The following NKAIN3 variants were observed in gnomAD, a reference collection of about 807,000 sequenced individuals.
NKAIN3 encodes the protein sodium/potassium transporting ATPase interacting 3.
In NKAIN3, 25 loss-of-function variants were observed where a neutral mutation model predicts 30.2. The observed-to-expected ratio is 0.83, with a 90% CI of 0.60 to 1.16. NKAIN3 has a LOEUF of 1.16. Among genes scored for constraint, NKAIN3 ranks in the 50% most tolerant of loss-of-function variants. NKAIN3 has a pLI of 0.00. For synonymous variants in NKAIN3, 91 were observed against 89.6 expected (o/e 1.02, Z -0.09); for missense variants, 225 against 254.1 (o/e 0.89, Z 0.78).
rs562824064 is a variant in NKAIN3, at chr8:62,329,830, A to G, written c.54+80703A>G. On this transcript the variant is annotated intron_variant, in intron 1 of 6. Coordinates refer to ENST00000623646, the MANE Select transcript of NKAIN3 (RefSeq NM_001304533.3). Reference sequence around the variant, plus strand: ...GTGCCTGTGTCTTTATGAGAGAATGAATTATTTTCCTTTGAGTATATACCC... The same window carrying G: ...GTGCCTGTGTCTTTATGAGAGAATGGATTATTTTCCTTTGAGTATATACCC... Among the ~76,000 whole-genome samples, 87 of 152,134 alleles carry G rather than the reference A, an allele frequency of 5.7e-4. No individual in the cohort carries two copies. In the South Asian group the frequency reaches 5.8e-3, roughly 10 times the overall value.
At chr8:62,495,426 A>G (rs974637573) in intron 1 of NKAIN3, among the ~76,000 whole-genome samples, 2 of 151,892 alleles carry the variant, frequency 1.3e-5, no homozygotes, top group African/African-American at 2.4e-5. Flanking sequence ...GAATTACACA[A>G]TTTTGCACAC....
chr8:62,828,761 G>A (rs1371599177), intron 4 of NKAIN3, among the ~76,000 whole-genome samples: 1 of 152,080 alleles, frequency 6.6e-6, no homozygotes, highest in African/African-American at 2.4e-5. Context: ...ACTTACTCTT[G>A]GAACTCAGCC....
intron 3 of NKAIN3, among the ~76,000 whole-genome samples, chr8:62,702,201 C>T (rs1033155995): frequency 3.9e-5 from 6 of 152,166 alleles, no homozygotes; most frequent in Non-Finnish European, 8.8e-5. Context: ...AATTCTTCTA[C>T]AGTGGCATAT....
intron 1 of NKAIN3, among the ~76,000 whole-genome samples, chr8:62,419,868 G>A (rs1804575996): frequency 6.6e-6 from 1 of 152,108 alleles, no homozygotes; most frequent in African/African-American, 2.4e-5. Context: ...AGGCCATCTC[G>A]AGGTGCCCAT....
chr8:62,530,223 T>C (rs959898582), intron 1 of NKAIN3, among the ~76,000 whole-genome samples: 14 of 148,830 alleles, frequency 9.4e-5, no homozygotes, highest in Non-Finnish European at 1.5e-4. Context: ...ACCAGATTCA[T>C]TTTTTTTTTC....
Position 62,973,910 on chromosome 8 carries a change from A to T in NKAIN3, c.*8503A>T, listed in dbSNP as rs1348490446. ...CTAGCTAATTTTCCCAGCACCATTT[A>T]TTAAATAGGAAATCCTTTCCCCATT... On this transcript the variant is annotated 3_prime_UTR_variant, in exon 7 of 7. Transcript: ENST00000623646. Among the ~76,000 whole-genome samples the T allele has an allele frequency of 6.6e-6, 1 of 152,188 alleles. No individual in the cohort carries two copies. The highest frequency in any genetic ancestry group is 1.9e-4 in the East Asian group (1 of 5,194).
intron 3 of NKAIN3, among the ~76,000 whole-genome samples, chr8:62,592,349 A>C (rs556753954): frequency 1.3e-5 from 2 of 152,180 alleles, no homozygotes; most frequent in East Asian, 3.9e-4. Flanking sequence ...TAAAAAGATC[A>C]TTTTAATTTC....
intron 6 of NKAIN3, among the ~76,000 whole-genome samples, chr8:62,960,536 A>G (rs1823541995): frequency 6.6e-6 from 1 of 152,130 alleles, no homozygotes; most frequent in Non-Finnish European, 1.5e-5. Context: ...ACAACATAAA[A>G]AAAGTCATTT....
chr8:62,729,262 T>C (rs1022238860), intron 3 of NKAIN3, among the ~76,000 whole-genome samples: 1 of 152,152 alleles, frequency 6.6e-6, no homozygotes, highest in East Asian at 1.9e-4. Context: ...AAAAAGCACA[T>C]GATAATATGC....
chr8:62,764,191 T>C lies in NKAIN3; in HGVS notation c.471+17062T>C, dbSNP rs535043006. On this transcript the variant is annotated intron_variant, in intron 4 of 6. Coordinates refer to ENST00000623646, the MANE Select transcript of NKAIN3 (RefSeq NM_001304533.3). ...GCAGTGCCTGTCCAAGATGGTGATGTTCCTGCTCTGTCAGCTACCCTGTAC... is the reference window on the plus strand; with the variant it reads ...GCAGTGCCTGTCCAAGATGGTGATGCTCCTGCTCTGTCAGCTACCCTGTAC... Among the ~76,000 whole-genome samples the C allele has an allele frequency of 7.3e-3, 1,116 of 152,352 alleles. 9 individuals are homozygous for C. Among genetic ancestry groups the C allele is most frequent in the Non-Finnish European group, 0.012 (795 of 68,038 alleles).
chr8:62,747,293 A>ACCTT (rs2130584593), intron 4 of NKAIN3, among the ~76,000 whole-genome samples, 164 bp downstream of exon 4: 1 of 152,302 alleles, frequency 6.6e-6, no homozygotes, highest in East Asian at 1.9e-4. Flanking sequence ...GGCAGGTTAC[A>ACCTT]CCTTTTTTCT....
chr8:62,784,599 G>C (rs1817458435), intron 4 of NKAIN3, among the ~76,000 whole-genome samples: 1 of 151,966 alleles, frequency 6.6e-6, no homozygotes, highest in Non-Finnish European at 1.5e-5. Flanking sequence ...CTGAAAAAGA[G>C]AAAATAAATA....
chr8:62,891,708 T>C (rs1460066680), intron 4 of NKAIN3, among the ~76,000 whole-genome samples: 4 of 152,150 alleles, frequency 2.6e-5, no homozygotes, highest in African/African-American at 7.2e-5. Context: ...CCAATTCACA[T>C]GGTAATTTTA....
chr8:62,707,054 C>CAT (rs747261050), intron 3 of NKAIN3, among the ~76,000 whole-genome samples: 1 of 82,498 alleles, frequency 1.2e-5, no homozygotes, highest in South Asian at 4.4e-4. Context: ...ATCATACATA[C>CAT]ATACACACAC....
chr8:62,534,473 A>G (rs981320770), intron 1 of NKAIN3, among the ~76,000 whole-genome samples: 1 of 152,178 alleles, frequency 6.6e-6, no homozygotes, highest in African/African-American at 2.4e-5. Context: ...GTCATTTTGA[A>G]CATCATTAAA....
intron 1 of NKAIN3, among the ~76,000 whole-genome samples, chr8:62,429,521 A>G (rs1028580910): frequency 1.3e-5 from 2 of 151,672 alleles, no homozygotes; most frequent in Non-Finnish European, 2.9e-5. Flanking sequence ...GGATTTTTGC[A>G]TGAATGTTCA....
chr8:62,809,112 C>T (rs931037932), intron 4 of NKAIN3, among the ~76,000 whole-genome samples: 17 of 152,176 alleles, frequency 1.1e-4, no homozygotes, highest in African/African-American at 3.1e-4. Context: ...GGCTCCGTTC[C>T]GCCCAGCTCT....
intron 3 of NKAIN3, among the ~76,000 whole-genome samples, chr8:62,623,302 CCT>C (rs1250233272): frequency 2.6e-5 from 4 of 152,026 alleles, no homozygotes; most frequent in African/African-American, 9.7e-5. Context: ...ATCAGGAAAC[CCT>C]TCACTAGAAA....
In NKAIN3 at chr8:62,637,279, T is replaced by C. The variant is rs551038068; in HGVS notation, c.273+47485T>C. Reference sequence around the variant, plus strand: ...CTAGTGACACCCCTTAATGCATGGATCAAGCAAGCCGTGGAGGAAACACAG... The same window carrying C: ...CTAGTGACACCCCTTAATGCATGGACCAAGCAAGCCGTGGAGGAAACACAG... On this transcript the variant is annotated intron_variant, in intron 3 of 6. Coordinates refer to ENST00000623646, the MANE Select transcript of NKAIN3 (RefSeq NM_001304533.3). Among the ~76,000 whole-genome samples the C allele has an allele frequency of 1.7e-4, 26 of 152,260 alleles. 1 individual carries two copies. The South Asian group carries it at 5.4e-3, about 32-fold the overall frequency.
Sources: gnomAD v4.1 joint callset for allele counts (sites outside exome capture counted in the v4.1 genomes callset) on GRCh38, gnomAD v4.1.1 for gene constraint, MANE v1.5 for transcripts, NCBI Gene and HGNC (gene_info 2026-07-23, HGNC 2026-07-21) for gene names.